Variants in ITGA9 observed in about 807,000 individuals in gnomAD.
The protein encoded by ITGA9 is integrin alpha-9.
Under a neutral mutation model 127.8 loss-of-function variants are expected in ITGA9, and 56 were observed. That is an observed-to-expected ratio of 0.44 (90% CI 0.35 to 0.55). ITGA9 has a LOEUF of 0.55. Among genes scored for constraint, ITGA9 ranks in the 20% least tolerant of loss-of-function variants. The pLI, the probability that ITGA9 is intolerant of heterozygous loss-of-function variation, is 0.00. For missense variants in ITGA9, 1,196 were observed against 1,347.1 expected (o/e 0.89, Z 1.76); for synonymous variants, 508 against 514.5 (o/e 0.99, Z 0.17).
At chr3:37,488,595 G>A (rs1318066515) in intron 4 of ITGA9, among the ~76,000 whole-genome samples, 3 of 151,956 alleles carry the variant, frequency 2.0e-5, no homozygotes, top group African/African-American at 4.8e-5. Flanking sequence ...TCAGGAGTTC[G>A]AGACCAGCCT....
intron 23 of ITGA9, among the ~76,000 whole-genome samples, chr3:37,773,333 C>T (rs1334458626): frequency 6.6e-6 from 1 of 152,210 alleles, no homozygotes; most frequent in African/African-American, 2.4e-5. Context: ...AATGTGCATG[C>T]CACAGGGCTG....
intron 18 of ITGA9, among the ~76,000 whole-genome samples, chr3:37,713,031 C>T (rs542448687): frequency 6.6e-6 from 1 of 152,308 alleles, no homozygotes; most frequent in South Asian, 2.1e-4. Flanking sequence ...TGATGAAGGA[C>T]GAGGGTCTCA....
intron 15 of ITGA9, among the ~76,000 whole-genome samples, chr3:37,624,620 A>T (rs996211268): frequency 2.6e-5 from 4 of 151,576 alleles, no homozygotes; most frequent in African/African-American, 9.7e-5. Context: ...TTATTTATTT[A>T]TTTTTGAGAC....
intron 1 of ITGA9, among the ~76,000 whole-genome samples, chr3:37,456,525 CA>C (rs940262861): frequency 2.0e-5 from 3 of 152,222 alleles, no homozygotes. Flanking sequence ...TTTCACACCC[CA>C]CCCCGTCCCC....
chr3:37,745,311 A>C (rs964884396), intron 22 of ITGA9: 1 of 152,260 alleles, frequency 6.6e-6, no homozygotes, highest in Admixed American at 6.5e-5. Flanking sequence ...CTTCTGACCA[A>C]CTAAGCCCCT....
intron 15 of ITGA9, among the ~76,000 whole-genome samples, chr3:37,594,175 TG>T (rs1207551441): frequency 6.6e-6 from 1 of 152,204 alleles, no homozygotes; most frequent in African/African-American, 2.4e-5. Context: ...AGCAGGGATC[TG>T]GGGAGGCTTT....
At chr3:37,602,336 A>T (rs967407515) in intron 15 of ITGA9, among the ~76,000 whole-genome samples, 1 of 152,170 alleles carries the variant, frequency 6.6e-6, no homozygotes, top group Non-Finnish European at 1.5e-5. Flanking sequence ...TTCACTGTGG[A>T]CTTTTTATAA....
At chr3:37,769,252 C>T (rs1183418685) in intron 23 of ITGA9, among the ~76,000 whole-genome samples, 3 of 150,678 alleles carry the variant, frequency 2.0e-5, no homozygotes, top group Admixed American at 6.7e-5. Flanking sequence ...GCAGGAGAAT[C>T]GCTTGAACCC....
intron 14 of ITGA9, among the ~76,000 whole-genome samples, chr3:37,535,828 TC>T (rs1411541465): frequency 1.3e-5 from 2 of 152,202 alleles, no homozygotes; most frequent in Non-Finnish European, 2.9e-5. Flanking sequence ...AAATTATTCA[TC>T]CCCAGCATGT....
At chr3:37,769,251 T>A (rs2125546418) in intron 23 of ITGA9, among the ~76,000 whole-genome samples, 1 of 149,444 alleles carries the variant, frequency 6.7e-6, no homozygotes, top group South Asian at 2.1e-4. Context: ...GGCAGGAGAA[T>A]CGCTTGAACC....
At position 37,494,566 on chromosome 3, in the gene ITGA9, G is replaced by A. The variant is rs1043041624; in HGVS notation, c.610G>A (p.Glu204Lys). The A allele has an allele frequency of 1.9e-6, 3 of 1,612,802 alleles. No homozygotes were observed. The highest frequency in any genetic ancestry group is 1.3e-5 in the African/African-American group (1 of 74,918). The change falls in exon 5 of 28, where the codon GAG becomes AAG. Residue 204 changes from glutamate to lysine, a missense_variant and splice_region_variant. By Grantham distance (56) the Glu-to-Lys change is moderately conservative. Coordinates refer to ENST00000264741, the MANE Select transcript of ITGA9 (RefSeq NM_002207.3). ...GGCTGGGATAGCGGGCTTCTTCACC[G>A]AGGTGGGTGTCTGCTGTCTGGGCAT... ...CQAGIAGFFTEELVVMGAPGS... is the reference protein window; with the variant it reads ...CQAGIAGFFTKELVVMGAPGS...
chr3:37,547,636 A>G (rs1298768700), intron 15 of ITGA9, among the ~76,000 whole-genome samples: 1 of 152,230 alleles, frequency 6.6e-6, no homozygotes, highest in Admixed American at 6.5e-5. Context: ...AGGAGAAAGA[A>G]AAACAGCAAA....
At chr3:37,661,000 C>A (rs1700528158) in intron 17 of ITGA9, among the ~76,000 whole-genome samples, 3 of 152,214 alleles carry the variant, frequency 2.0e-5, no homozygotes, top group African/African-American at 7.2e-5. Context: ...TTTCCTCCAG[C>A]CTTATTCTAT....
intron 25 of ITGA9, among the ~76,000 whole-genome samples, chr3:37,781,342 T>C (rs536055995): frequency 6.6e-6 from 1 of 152,328 alleles, no homozygotes; most frequent in Admixed American, 6.5e-5. Flanking sequence ...ACTCTGCCAT[T>C]GTATTGTGAA....
intron 15 of ITGA9, among the ~76,000 whole-genome samples, chr3:37,547,588 G>A (rs571586294): frequency 6.6e-6 from 1 of 152,058 alleles, no homozygotes; most frequent in African/African-American, 2.4e-5. Context: ...AGTTAAGAAA[G>A]GGAGATTAAG....
At chr3:37,542,633 G>A in intron 15 of ITGA9, 48 bp downstream of exon 15, 1 of 1,594,258 alleles carries the variant, frequency 6.3e-7, no homozygotes, top group Non-Finnish European at 8.6e-7. Flanking sequence ...CTCTGCAGAT[G>A]TTCACTTGGA....
chr3:37,489,679 T>C (rs1698647028), intron 4 of ITGA9, among the ~76,000 whole-genome samples: 3 of 144,538 alleles, frequency 2.1e-5, no homozygotes, highest in South Asian at 2.2e-4. Context: ...TTCATTTTTC[T>C]GTATAATTGC....
chr3:37,624,930 C>T (rs1253572237), intron 15 of ITGA9, among the ~76,000 whole-genome samples: 2 of 152,146 alleles, frequency 1.3e-5, no homozygotes, highest in Non-Finnish European at 2.9e-5. Flanking sequence ...CTATAACAGC[C>T]TCTAGGATCA....
intron 1 of ITGA9, among the ~76,000 whole-genome samples, chr3:37,457,134 G>A (rs191831229): frequency 5.3e-5 from 8 of 152,306 alleles, no homozygotes; most frequent in South Asian, 4.1e-4. Context: ...AAACCGAAAC[G>A]GGTGCTTACA....
Sources: gnomAD v4.1 joint callset for allele counts (sites outside exome capture counted in the v4.1 genomes callset) on GRCh38, gnomAD v4.1.1 for gene constraint, MANE v1.5 for transcripts, NCBI Gene and HGNC (gene_info 2026-07-23, HGNC 2026-07-21) for gene names.